The following SYNGR2 variants were observed in gnomAD, a reference collection of about 807,000 sequenced individuals.
SYNGR2 encodes the protein synaptogyrin-2.
SYNGR2 carries 11 observed loss-of-function variants against 18.7 expected under a neutral mutation model. The observed-to-expected ratio is 0.59, with a 90% CI of 0.37 to 0.97. The LOEUF is 0.97. Ranked by LOEUF, SYNGR2 falls within the 50% of genes least tolerant of loss-of-function variation. The pLI is 0.01. For synonymous variants in SYNGR2, 127 were observed against 131.0 expected (o/e 0.97, Z 0.21); for missense variants, 253 against 300.7 (o/e 0.84, Z 1.17).
chr17:78,172,924 C>T (rs1022805291), downstream of SYNGR2: 6 of 152,264 alleles, frequency 3.9e-5, no homozygotes, highest in African/African-American at 1.4e-4. Flanking sequence ...AAAATAGTAA[C>T]TGTGCTCAGC....
At chr17:78,172,836 GCCCCCTCCAGCCTGCCTGGCTGGC>G (rs925504641), downstream of SYNGR2, 1 of 152,406 alleles carries the variant, frequency 6.6e-6, no homozygotes, top group African/African-American at 2.4e-5. Context: ...GTGGCAATCC[GCCCCCTCCAGCCTGCCTGGCTGGC>G]CCCCTTCCCT....
At position 78,172,661 on chromosome 17, in the gene SYNGR2, G is replaced by T. The variant is rs937760436; in HGVS notation, c.*725G>T. The T allele has an allele frequency of 6.6e-6, 1 of 152,328 alleles. No individual in the cohort carries two copies. The highest frequency in any genetic ancestry group is 2.4e-5 in the African/African-American group (1 of 41,454). The allele number at this position is 152,328 out of a possible 1,614,324, so 9.4% of individuals were successfully genotyped here. ...TCTGTGCCGAGTGTATTATAAAATC[G>T]TGGGGGAGATGCCCGGCCTGGGATG... On this transcript the variant is annotated 3_prime_UTR_variant, in exon 4 of 4. Transcript: ENST00000225777.
intron 1 of SYNGR2, chr17:78,169,964 G>A (rs1046512783): frequency 5.9e-5 from 9 of 152,510 alleles, no homozygotes; most frequent in African/African-American, 2.2e-4. Flanking sequence ...AACCAGGGAG[G>A]GTTCCAGGGG....
Position 78,171,054 on chromosome 17 carries a change from G to T in SYNGR2, c.337G>T (p.Ala113Ser), listed in dbSNP as rs776637393. 1.2e-6 allele frequency: 2 copies of T among 1,612,672 alleles called. No homozygotes were observed. Among genetic ancestry groups the T allele is most frequent in the South Asian group, 2.2e-5 (2 of 91,074 alleles). ...GGTCATTGGTGACCTGCTCTTCTCA[G>T]GTATCTGCCTGTGGCACCTCCATTT... is the stretch of plus-strand genomic sequence containing the variant. ...YLVIGDLLFS[A>S]LWTFLWFVGF... is the part of the protein sequence containing the mutation. Residue 113 changes from alanine (A) to serine (S), a missense_variant and splice_region_variant, in exon 2 of 4, where the codon GCT becomes TCT. Transcript: ENST00000225777. This position sits in a 1 kb window ranked among gnomAD's most constrained non-coding sequence, Gnocchi z 6.6.
intron 1 of SYNGR2, chr17:78,170,594 A>C (rs1009225914): frequency 3.3e-6 from 2 of 598,266 alleles, no homozygotes; most frequent in African/African-American, 3.7e-5. Flanking sequence ...AGGCTGAGGC[A>C]GAATTGCTTG....
chr17:78,170,643 C>G (rs764314161), intron 1 of SYNGR2, 174 bp from the exon 2 acceptor site: 9 of 670,360 alleles, frequency 1.3e-5, no homozygotes, highest in Non-Finnish European at 2.1e-5. Flanking sequence ...CGAGATCGCA[C>G]TATTGCACTC....
chr17:78,171,497 C>G lies in SYNGR2; in HGVS notation c.338-13C>G. On this transcript the variant is annotated splice_polypyrimidine_tract_variant and intron_variant, in intron 2 of 3. Transcript: ENST00000225777. This position sits in a 1 kb window ranked among gnomAD's most constrained non-coding sequence, Gnocchi z 6.6. ...CTTTCCATGGAACTGACGCTTCACC[C>G]GTCCTCCCCCAGCTCTCTGGACCTT... The G allele has an allele frequency of 6.6e-7, 1 of 1,514,962 alleles. No individual in the cohort carries two copies. Among genetic ancestry groups the G allele is most frequent in the Non-Finnish European group, 8.8e-7 (1 of 1,132,276 alleles). The allele number at this position is 1,514,962 out of a possible 1,614,324, so 93.8% of individuals were successfully genotyped here.
At position 78,171,400 on chromosome 17, in the gene SYNGR2, T is replaced by C; in HGVS notation, c.338-110T>C. ...GGCTTCCAAGTCCTCCCCTCCATAG[T>C]GTGGAGGCTCCCCCGGGAGGTCCCT... On this transcript the variant is annotated intron_variant, in intron 2 of 3. Coordinates refer to ENST00000225777, the MANE Select transcript of SYNGR2 (RefSeq NM_004710.7). The surrounding 1 kb of genome is among the most constrained non-coding windows in gnomAD (Gnocchi z 6.6). 1 of 1,340,010 alleles carries C rather than the reference T, an allele frequency of 7.5e-7. No individual in the cohort carries two copies. Among genetic ancestry groups the C allele is most frequent in the South Asian group, 1.5e-5 (1 of 66,854 alleles). The allele number at this position is 1,340,010 out of a possible 1,614,324, so 83.0% of individuals were successfully genotyped here.
At chr17:78,168,741 G>T (rs2075636654) in intron 1 of SYNGR2, 26 bp downstream of exon 1, 2 of 1,191,718 alleles carry the variant, frequency 1.7e-6, no homozygotes, top group Non-Finnish European at 2.1e-6. Flanking sequence ...GCGGGCCGAG[G>T]GCACCCTGGG....
chr17:78,170,348 A>G (rs550677877), intron 1 of SYNGR2: 1 of 158,322 alleles, frequency 6.3e-6, no homozygotes, highest in East Asian at 1.9e-4. Context: ...ATCAGGAAGC[A>G]CTTTGCTCAT....
chr17:78,168,639 C>T lies in SYNGR2; in HGVS notation c.23C>T (p.Ala8Val). 2 of 1,204,662 alleles carry T rather than the reference C, an allele frequency of 1.7e-6. No homozygotes were observed. Among genetic ancestry groups the T allele is most frequent in the Non-Finnish European group, 2.1e-6 (2 of 970,506 alleles). 74.6% of individuals were successfully genotyped at this position (1,204,662 alleles called of 1,614,324 possible). A position where few individuals can be genotyped will look rare whatever the true frequency, so the allele number is the denominator to read the frequency against. MESGAYG[A>V]AKAGGSFDLR... Reference sequence around the variant, plus strand: ...GACATGGAGAGCGGGGCCTACGGCGCGGCCAAGGCGGGCGGCTCCTTCGAC... The same window carrying T: ...GACATGGAGAGCGGGGCCTACGGCGTGGCCAAGGCGGGCGGCTCCTTCGAC... The change falls in exon 1 of 4, where the codon GCG becomes GTG. Residue 8 changes from alanine to valine, a missense_variant. Physicochemically the swap from Ala to Val is moderately conservative, Grantham distance 64 (BLOSUM62 0). Coordinates refer to ENST00000225777, the MANE Select transcript of SYNGR2 (RefSeq NM_004710.7).
At chr17:78,168,926 C>T (rs1465453264) in intron 1 of SYNGR2, among the ~76,000 whole-genome samples, 1 of 152,008 alleles carries the variant, frequency 6.6e-6, no homozygotes, top group Non-Finnish European at 1.5e-5. Flanking sequence ...GGTCCCGCCA[C>T]CCACCCCACC....
rs2075656019 is a variant in SYNGR2 at position 78,171,199 on chromosome 17, G to A, written c.337+145G>A. ...TTTTAGGAAAGGGTTTTCAGCTAGT[G>A]TTTTTCCGTGCTTGAATGGCACCAG... On this transcript the variant is annotated intron_variant, in intron 2 of 3. Transcript: ENST00000225777. This position sits in a 1 kb window ranked among gnomAD's most constrained non-coding sequence, Gnocchi z 6.6. The A allele has an allele frequency of 1.2e-6, 1 of 821,080 alleles. No individual in the cohort carries two copies. Among genetic ancestry groups the A allele is most frequent in the African/African-American group, 1.7e-5 (1 of 58,186 alleles). 50.9% of individuals were successfully genotyped at this position (821,080 alleles called of 1,614,324 possible). A position where few individuals can be genotyped will look rare whatever the true frequency, so the allele number is the denominator to read the frequency against.
chr17:78,168,827 G>T lies in SYNGR2; in HGVS notation c.99+112G>T, dbSNP rs985134598. On this transcript the variant is annotated intron_variant, in intron 1 of 3. Coordinates refer to ENST00000225777, the MANE Select transcript of SYNGR2 (RefSeq NM_004710.7). ...ACAGGTGGCGGCGGCCGCGTCCGGG[G>T]CCTGGCGGCGAGCGGGGCCGGCGTC... 9.5e-6 allele frequency: 9 copies of T among 951,216 alleles called. No individual in the cohort carries two copies. The African/African-American group carries it at 1.1e-4, about 11-fold the overall frequency. The allele number at this position is 951,216 out of a possible 1,614,324, so 58.9% of individuals were successfully genotyped here.
intron 1 of SYNGR2, among the ~76,000 whole-genome samples, chr17:78,168,976 C>T (rs2075638724): frequency 6.6e-6 from 1 of 152,146 alleles, no homozygotes; most frequent in African/African-American, 2.4e-5. Context: ...CGGATCTCCG[C>T]AGGGAGCGGG....
At chr17:78,172,869 CTCTG>C (rs1485787474), downstream of SYNGR2, 1 of 152,464 alleles carries the variant, frequency 6.6e-6, no homozygotes, top group Non-Finnish European at 1.5e-5. Context: ...GCCCCCTTCC[CTCTG>C]TCTGGGGTCG....
chr17:78,169,787 C>A, intron 1 of SYNGR2: 1 of 152,490 alleles, frequency 6.6e-6, no homozygotes. Flanking sequence ...TACATCCACC[C>A]TGGGTCCTCC....
chr17:78,169,278 G>GC (rs2075642476), intron 1 of SYNGR2: 3 of 147,076 alleles, frequency 2.0e-5, no homozygotes, highest in Admixed American at 6.7e-5. Flanking sequence ...GTGTGTGGCG[G>GC]GGAGGGGGCC....
rs775014248 is a variant in SYNGR2 at position 78,171,749 on chromosome 17, C to T, written c.488C>T (p.Ala163Val). ...FFSIFSWGVL[A>V]SLAYQRYKAG... ...GTGCTCCCCCTGCAGGGTGTGCTGG[C>T]CTCCCTGGCCTACCAGCGCTACAAG... Residue 163 changes from alanine to valine, a missense_variant, in exon 4 of 4, where the codon GCC (alanine) becomes GTC (valine). Transcript: ENST00000225777. The surrounding 1 kb of genome is among the most constrained non-coding windows in gnomAD (Gnocchi z 6.6). 2.5e-6 allele frequency: 4 copies of T among 1,614,100 alleles called. No individual in the cohort carries two copies. Among genetic ancestry groups the T allele is most frequent in the Admixed American group, 1.7e-5 (1 of 60,026 alleles).
Sources: allele counts gnomAD v4.1 joint callset (sites outside exome capture counted in the v4.1 genomes callset), GRCh38; gene constraint gnomAD v4.1.1; non-coding constraint Gnocchi (gnomAD v3.1); transcripts MANE v1.5; gene names NCBI Gene and HGNC (gene_info 2026-07-23, HGNC 2026-07-21).